KIF4A: variants seen among roughly 807,000 people sequenced by gnomAD.
KIF4A encodes the protein chromosome-associated kinesin KIF4A.
In KIF4A, 7 loss-of-function variants were observed where a neutral mutation model predicts 105.9. The ratio of observed to expected loss-of-function variants is 0.07; its 90% confidence interval spans 0.04 to 0.12. KIF4A has a LOEUF of 0.12. Ranked by LOEUF, KIF4A falls within the 10% of genes least tolerant of loss-of-function variation. The pLI is 1.00. For synonymous variants in KIF4A, 281 were observed against 331.3 expected (o/e 0.85, Z 1.65); for missense variants, 558 against 929.2 (o/e 0.60, Z 5.19).
chrX:70,371,987 G>A (rs1288906878), intron 15 of KIF4A, among the ~76,000 whole-genome samples: 6 of 106,463 alleles, frequency 5.6e-5, no homozygotes, highest in South Asian at 8.6e-4. Context: ...GGGTAGAGGC[G>A]CTCCTCACAT....
chrX:70,333,716 G>T, intron 10 of KIF4A, 27 bp downstream of exon 10: 1 of 1,016,779 alleles, frequency 9.8e-7, no homozygotes, highest in Non-Finnish European at 1.4e-6. Flanking sequence ...AATTTGAATT[G>T]TGTATTCTAA....
At chrX:70,409,808 A>G (rs1025497693) in intron 28 of KIF4A, among the ~76,000 whole-genome samples, 54 of 109,263 alleles carry the variant, frequency 4.9e-4, no homozygotes, top group Middle Eastern at 4.7e-3. Flanking sequence ...AAAAAAAAAA[A>G]AAAGAAAAGA....
intron 15 of KIF4A, among the ~76,000 whole-genome samples, chrX:70,354,139 CTGGG>C: frequency 8.9e-6 from 1 of 112,598 alleles, no homozygotes; most frequent in South Asian, 3.7e-4. Context: ...GGTAAATAGT[CTGGG>C]TTATAGTATG....
chrX:70,327,908 T>C (rs2085916491), intron 7 of KIF4A, among the ~76,000 whole-genome samples: 1 of 111,602 alleles, frequency 9.0e-6, no homozygotes, highest in African/African-American at 3.3e-5. Context: ...GAAAACGTAA[T>C]TGAAATTTTC....
chrX:70,329,603 C>T (rs2085922821), intron 8 of KIF4A, 82 bp downstream of exon 8: 1 of 769,565 alleles, frequency 1.3e-6, no homozygotes, highest in South Asian at 2.4e-5. Context: ...AGGTAAAAAG[C>T]CAGCTATTTG....
intron 15 of KIF4A, among the ~76,000 whole-genome samples, chrX:70,357,755 G>A (rs1884310228): frequency 8.9e-6 from 1 of 111,942 alleles, no homozygotes; most frequent in South Asian, 3.7e-4. Flanking sequence ...CAGTATTGCT[G>A]TTGAGAAGTC....
At chrX:70,325,790 C>G (rs1258184677) in intron 7 of KIF4A, among the ~76,000 whole-genome samples, 2 of 108,885 alleles carry the variant, frequency 1.8e-5, no homozygotes, top group Non-Finnish European at 3.8e-5. Flanking sequence ...TCTTATGGCT[C>G]TGTGTCCTTG....
chrX:70,359,441 C>G (rs766112642), intron 15 of KIF4A, among the ~76,000 whole-genome samples: 1 of 107,780 alleles, frequency 9.3e-6, no homozygotes, highest in East Asian at 2.9e-4. Context: ...CTTTCTTTCT[C>G]TCTCTCTCTC....
At chrX:70,352,749 T>C (rs1413199021) in intron 14 of KIF4A, 93 bp downstream of exon 14, 1 of 576,238 alleles carries the variant, frequency 1.7e-6, no homozygotes, top group Non-Finnish European at 2.9e-6. Context: ...CTGTGATTGT[T>C]ACCATCCTCC....
chrX:70,393,961 G>T (rs1457655715), intron 20 of KIF4A, among the ~76,000 whole-genome samples: 10 of 104,629 alleles, frequency 9.6e-5, no homozygotes, highest in African/African-American at 3.5e-4. Context: ...AACCTCTTGG[G>T]CTCAAATGAT....
rs1481823058 is a variant in KIF4A at position 70,366,559 on chromosome X, C to T, written c.1675-7592C>T. Reference sequence around the variant, plus strand: ...GTTGTTCAGTTTCCATGTAGTTGAGCAGTTTTGAGTTTCTTAATCCTGAGT... The same window carrying T: ...GTTGTTCAGTTTCCATGTAGTTGAGTAGTTTTGAGTTTCTTAATCCTGAGT... On this transcript the variant is annotated intron_variant, in intron 15 of 30. Transcript: ENST00000374403. Among the ~76,000 whole-genome samples, 4 of 111,945 alleles carry T rather than the reference C, an allele frequency of 3.6e-5. No individual in the cohort carries two copies. In the East Asian group the frequency reaches 1.1e-3, roughly 31 times the overall value.
intron 15 of KIF4A, among the ~76,000 whole-genome samples, chrX:70,368,955 C>T (rs2086117735): frequency 8.9e-6 from 1 of 112,034 alleles, no homozygotes; most frequent in Admixed American, 9.5e-5. Context: ...ATGGTGGGCG[C>T]CCCTCCCACA....
intron 22 of KIF4A, among the ~76,000 whole-genome samples, chrX:70,401,715 T>C (rs1395196003): frequency 8.9e-6 from 1 of 112,018 alleles, no homozygotes; most frequent in African/African-American, 3.2e-5. Context: ...TTTTTTTCAG[T>C]TGTACTTTCT....
chrX:70,309,692 G>A (rs1056867685), intron 7 of KIF4A, among the ~76,000 whole-genome samples: 10 of 112,381 alleles, frequency 8.9e-5, no homozygotes, highest in African/African-American at 3.2e-4. Context: ...AAGCTAATTA[G>A]CATATCAATC....
At chrX:70,337,242 C>T (rs888449284) in intron 10 of KIF4A, among the ~76,000 whole-genome samples, 1 of 111,573 alleles carries the variant, frequency 9.0e-6, no homozygotes, top group Non-Finnish European at 1.9e-5. Flanking sequence ...CCCAGCAACT[C>T]AGTAGGATGA....
Position 70,403,985 on chromosome X carries a change from C to T in KIF4A, c.2741C>T (p.Thr914Ile), listed in dbSNP as rs772285888. Residue 914 changes from threonine (T) to isoleucine (I), a missense_variant, in exon 24 of 31, where the codon ACA (threonine) becomes ATA (isoleucine). Physicochemically the swap from Thr to Ile is moderately conservative, Grantham distance 89. Transcript: ENST00000374403. ...CGAAATCATTTTGCCGAGATAGAGA[C>T]AGAGTTACAAGCTGAGCTGGTCAGA... ...EERNHFAEIE[T>I]ELQAELVRME... The T allele has an allele frequency of 8.3e-7, 1 of 1,211,403 alleles. No homozygotes were observed. Among genetic ancestry groups the T allele is most frequent in the Non-Finnish European group, 1.1e-6 (1 of 895,407 alleles).
chrX:70,370,521 AT>A (rs1221347002), intron 15 of KIF4A, among the ~76,000 whole-genome samples: 1 of 108,913 alleles, frequency 9.2e-6, no homozygotes, highest in East Asian at 2.8e-4. Flanking sequence ...TATATGTAAT[AT>A]AGAATATATC....
At chrX:70,406,769 T>G in intron 27 of KIF4A, 124 bp from the exon 28 acceptor site, 1 of 732,802 alleles carries the variant, frequency 1.4e-6, no homozygotes, top group Non-Finnish European at 2.0e-6. Context: ...GTGGGGTGGA[T>G]TTGAGAGAGT....
intron 3 of KIF4A, among the ~76,000 whole-genome samples, chrX:70,295,125 T>C (rs756677772): frequency 9.0e-6 from 1 of 111,666 alleles, no homozygotes; most frequent in Non-Finnish European, 1.9e-5. Context: ...CAAGAGAAAA[T>C]ATAAAAACTA....
Sources: gnomAD v4.1 joint callset for allele counts (sites outside exome capture counted in the v4.1 genomes callset) on GRCh38, gnomAD v4.1.1 for gene constraint, MANE v1.5 for transcripts, NCBI Gene and HGNC (gene_info 2026-07-23, HGNC 2026-07-21) for gene names.